RALGAPA1: variants seen among roughly 807,000 people sequenced by gnomAD.
RALGAPA1 encodes the protein Ral GTPase activating protein catalytic subunit alpha 1, also known as ral GTPase-activating protein subunit alpha-1.
Under a neutral mutation model 269.6 loss-of-function variants are expected in RALGAPA1, and 52 were observed. That is an observed-to-expected ratio of 0.19 (90% confidence interval 0.15 to 0.24). RALGAPA1 has a LOEUF of 0.24. Among genes scored for constraint, RALGAPA1 ranks in the 10% least tolerant of loss-of-function variants. The pLI, the probability that RALGAPA1 is intolerant of heterozygous loss-of-function variation, is 1.00. For synonymous variants in RALGAPA1, 817 were observed against 1,008.3 expected (o/e 0.81, Z 3.60); for missense variants, 1,917 against 3,013.9 (o/e 0.64, Z 8.52).
At chr14:35,782,519 C>T (rs1438511206) in intron 1 of RALGAPA1, among the ~76,000 whole-genome samples, 6 of 152,098 alleles carry the variant, frequency 3.9e-5, no homozygotes, top group Admixed American at 6.5e-5. Flanking sequence ...TTGCAACCTC[C>T]GCCTCTCAGG....
intron 36 of RALGAPA1, 72 bp downstream of exon 36, chr14:35,605,514 A>C: frequency 7.0e-7 from 1 of 1,433,130 alleles, no homozygotes; most frequent in Non-Finnish European, 9.4e-7. Flanking sequence ...CTTCTATAAT[A>C]AGCTAGGAAA....
chr14:35,542,150 G>A, intron 41 of RALGAPA1: 1 of 459,154 alleles, frequency 2.2e-6, no homozygotes. Context: ...TAATCACTCA[G>A]ACATAAAATC....
At chr14:35,796,597 A>C (rs989750230) in intron 1 of RALGAPA1, among the ~76,000 whole-genome samples, 5 of 152,184 alleles carry the variant, frequency 3.3e-5, no homozygotes, top group African/African-American at 4.8e-5. Context: ...CAGACTCCTC[A>C]ACACCAGTGA....
At chr14:35,792,845 T>G (rs1427122288) in intron 1 of RALGAPA1, among the ~76,000 whole-genome samples, 1 of 73,140 alleles carries the variant, frequency 1.4e-5, no homozygotes, top group Non-Finnish European at 2.7e-5. Flanking sequence ...GAAAGAAAGA[T>G]AGATTGTGAC....
intron 26 of RALGAPA1, among the ~76,000 whole-genome samples, chr14:35,667,843 G>A (rs2064076039): frequency 6.6e-6 from 1 of 152,184 alleles, no homozygotes; most frequent in South Asian, 2.1e-4. Flanking sequence ...ATATCAAAAA[G>A]ATACCTGCAC....
chr14:35,557,504 G>C (rs1207267337), intron 39 of RALGAPA1, among the ~76,000 whole-genome samples: 2 of 152,136 alleles, frequency 1.3e-5, no homozygotes, highest in Admixed American at 1.3e-4. Flanking sequence ...TAGAATCTAT[G>C]ATAAGCAGTA....
At chr14:35,680,941 C>T (rs557555220) in intron 21 of RALGAPA1, among the ~76,000 whole-genome samples, 1 of 152,094 alleles carries the variant, frequency 6.6e-6, no homozygotes, top group African/African-American at 2.4e-5. Context: ...TCTATAATGG[C>T]TCACTTACTT....
chr14:35,607,777 A>G (rs1172059624), intron 35 of RALGAPA1, among the ~76,000 whole-genome samples: 1 of 152,218 alleles, frequency 6.6e-6, no homozygotes, highest in Non-Finnish European at 1.5e-5. Flanking sequence ...CAATTAAGAG[A>G]AGCTGGCAGC....
intron 33 of RALGAPA1, among the ~76,000 whole-genome samples, chr14:35,628,766 A>G (rs552595793): frequency 2.1e-4 from 32 of 152,348 alleles, no homozygotes; most frequent in African/African-American, 7.2e-4. Flanking sequence ...ATATTTTTCT[A>G]AGGTATTCTT....
chr14:35,776,595 A>G (rs1314574723), intron 1 of RALGAPA1, among the ~76,000 whole-genome samples: 4 of 152,188 alleles, frequency 2.6e-5, no homozygotes, highest in Non-Finnish European at 5.9e-5. Flanking sequence ...TAAAAGTGAG[A>G]TGTCAAAGTA....
At chr14:35,542,211 T>C (rs2054075123) in intron 41 of RALGAPA1, 1 of 325,960 alleles carries the variant, frequency 3.1e-6, no homozygotes, top group Admixed American at 4.6e-5. Flanking sequence ...TAAGTTTAAA[T>C]TTATTGAATT....
At chr14:35,635,420 A>G (rs1389214499) in intron 32 of RALGAPA1, 44 bp downstream of exon 32, 36 of 1,520,230 alleles carry the variant, frequency 2.4e-5, no homozygotes, top group Non-Finnish European at 3.2e-5. Flanking sequence ...CTAGGTTTTA[A>G]AAACTCTTGG....
chr14:35,587,247 C>A (rs182879031), intron 37 of RALGAPA1, among the ~76,000 whole-genome samples: 1 of 152,090 alleles, frequency 6.6e-6, no homozygotes, highest in Non-Finnish European at 1.5e-5. Context: ...AGTTTATTTG[C>A]GTAGAGGTGT....
chr14:35,777,685 C>G (rs2075136854), intron 1 of RALGAPA1, among the ~76,000 whole-genome samples: 1 of 152,110 alleles, frequency 6.6e-6, no homozygotes, highest in African/African-American at 2.4e-5. Flanking sequence ...GCCTCAGACT[C>G]CCGAGTAGCT....
chr14:35,710,071 T>C (rs142735855), intron 16 of RALGAPA1, among the ~76,000 whole-genome samples: 279 of 152,310 alleles, frequency 1.8e-3, no homozygotes, highest in Non-Finnish European at 3.4e-3. Flanking sequence ...ATTCACTTCA[T>C]TTATGTCCTC....
intron 27 of RALGAPA1, among the ~76,000 whole-genome samples, chr14:35,663,600 T>TC: frequency 6.6e-6 from 1 of 150,596 alleles, no homozygotes. Flanking sequence ...TTTTTTTTTT[T>TC]TTTTTTTGAG....
At chr14:35,634,851 G>A in intron 32 of RALGAPA1, 94 bp from the exon 33 acceptor site, 1 of 1,177,366 alleles carries the variant, frequency 8.5e-7, no homozygotes, top group Non-Finnish European at 1.1e-6. Flanking sequence ...TAACACAAGA[G>A]CCTGGCAAAG....
rs1393114916 is a variant in RALGAPA1, at chr14:35,685,078, T to C, written c.4145A>G (p.Asn1382Ser). 1 of 1,585,508 alleles carries C rather than the reference T, an allele frequency of 6.3e-7. No homozygotes were observed. Among genetic ancestry groups the C allele is most frequent in the East Asian group, 2.3e-5 (1 of 43,634 alleles). The change falls in exon 20 of 42, where the codon AAC (asparagine) becomes AGC (serine). Residue 1382 changes from asparagine to serine, a missense_variant. Asn to Ser is a conservative substitution (Grantham distance 46, BLOSUM62 1). Around this residue, in one of 11 missense-constraint regions of RALGAPA1, gnomAD observed 615 missense variants for 790.0 expected, o/e 0.78. Transcript: ENST00000680220. ...EIPKDLPDIL[N>S]KQNQMRPIDD... ...AATAGGGCGCATCTGGTTCTGCTTG[T>C]TTAGAATATCAGGGAGGTCTTTGGG...
intron 39 of RALGAPA1, among the ~76,000 whole-genome samples, chr14:35,551,211 T>C (rs1594529040): frequency 6.6e-6 from 1 of 152,176 alleles, no homozygotes; most frequent in South Asian, 2.1e-4. Context: ...CTTTTCATTA[T>C]GCCTGATGCA....
Sources: allele counts gnomAD v4.1 joint callset (sites outside exome capture counted in the v4.1 genomes callset), GRCh38; gene constraint gnomAD v4.1.1; regional missense constraint gnomAD v4.1.1; transcripts MANE v1.5; gene names NCBI Gene and HGNC (gene_info 2026-07-23, HGNC 2026-07-21).